The following NSRP1 variants were observed in gnomAD, a reference collection of about 807,000 sequenced individuals.
The protein encoded by NSRP1 is nuclear speckle splicing regulatory protein 1.
NSRP1 carries 24 observed loss-of-function variants against 54.7 expected under a neutral mutation model. The ratio of observed to expected loss-of-function variants is 0.44; its 90% CI spans 0.32 to 0.62. The LOEUF is 0.62. Among genes scored for constraint, NSRP1 ranks in the 20% least tolerant of loss-of-function variants. NSRP1 has a pLI of 0.06. For synonymous variants in NSRP1, 210 were observed against 213.8 expected (o/e 0.98, Z 0.15); for missense variants, 596 against 651.2 (o/e 0.92, Z 0.92).
At chr17:30,118,689 C>T (rs1001472723) in intron 2 of NSRP1, among the ~76,000 whole-genome samples, 1 of 151,572 alleles carries the variant, frequency 6.6e-6, no homozygotes, top group African/African-American at 2.4e-5. Flanking sequence ...GCCAAAACTA[C>T]TTCTGTGAAA....
chr17:30,166,560 G>C (rs1240319938), intron 2 of NSRP1, among the ~76,000 whole-genome samples: 1 of 152,146 alleles, frequency 6.6e-6, no homozygotes, highest in Non-Finnish European at 1.5e-5. Context: ...TTATATGAAT[G>C]CAATGCTTAG....
chr17:30,160,541 G>T (rs1187883527), intron 2 of NSRP1, among the ~76,000 whole-genome samples: 1 of 152,128 alleles, frequency 6.6e-6, no homozygotes, highest in East Asian at 1.9e-4. Context: ...ATGTGTCCAA[G>T]AATTTGTCCA....
At chr17:30,136,656 T>G (rs1032916820) in intron 2 of NSRP1, among the ~76,000 whole-genome samples, 11 of 152,176 alleles carry the variant, frequency 7.2e-5, no homozygotes, top group African/African-American at 2.4e-4. Context: ...GATTAAAATA[T>G]GAAGAATCTG....
At chr17:30,181,043 G>C (rs1162958261) in intron 6 of NSRP1, 27 bp downstream of exon 6, 1 of 1,345,758 alleles carries the variant, frequency 7.4e-7, no homozygotes, top group Non-Finnish European at 1.1e-6. Flanking sequence ...GAAATATTTT[G>C]AAGAAAAATA....
chr17:30,122,942 A>G (rs2071617177), intron 2 of NSRP1, among the ~76,000 whole-genome samples: 1 of 151,824 alleles, frequency 6.6e-6, no homozygotes, highest in Non-Finnish European at 1.5e-5. Context: ...CATGTCATTT[A>G]CCTTTTTTTA....
At chr17:30,165,555 G>C (rs1904700357) in intron 2 of NSRP1, among the ~76,000 whole-genome samples, 1 of 152,198 alleles carries the variant, frequency 6.6e-6, no homozygotes, top group African/African-American at 2.4e-5. Flanking sequence ...TGTTCATTTG[G>C]TGTGTCCTTG....
chr17:30,157,497 T>C (rs1174582266), intron 2 of NSRP1, among the ~76,000 whole-genome samples: 2 of 152,180 alleles, frequency 1.3e-5, no homozygotes, highest in East Asian at 1.9e-4. Flanking sequence ...AATGTACATA[T>C]TATTATTGCT....
At chr17:30,156,398 ATTTT>A (rs903025596) in intron 2 of NSRP1, 2 of 150,410 alleles carry the variant, frequency 1.3e-5, no homozygotes, top group Admixed American at 1.3e-4. Context: ...TATGAAATAC[ATTTT>A]TTTAGTTCAT....
At chr17:30,119,085 A>T (rs1445532005) in intron 2 of NSRP1, among the ~76,000 whole-genome samples, 4 of 144,818 alleles carry the variant, frequency 2.8e-5, no homozygotes, top group Non-Finnish European at 4.6e-5. Context: ...ATGTTTTAAT[A>T]TTTTTTTTTC....
intron 2 of NSRP1, among the ~76,000 whole-genome samples, chr17:30,146,128 T>C (rs2071853162): frequency 6.6e-6 from 1 of 152,170 alleles, no homozygotes; most frequent in African/African-American, 2.4e-5. Flanking sequence ...GGATTACATG[T>C]GTGAGCCACT....
At chr17:30,145,219 C>G (rs529593810) in intron 2 of NSRP1, among the ~76,000 whole-genome samples, 154 of 152,152 alleles carry the variant, frequency 1.0e-3, no homozygotes, top group African/African-American at 3.6e-3. Context: ...CAGTAGAAAC[C>G]CTTGTGAAAG....
chr17:30,138,132 T>C (rs2071766201), intron 2 of NSRP1, among the ~76,000 whole-genome samples: 1 of 152,176 alleles, frequency 6.6e-6, no homozygotes, highest in Non-Finnish European at 1.5e-5. Context: ...TGTGACGGGG[T>C]TATTTCACTT....
rs182241778 is a variant in NSRP1 at position 30,118,332 on chromosome 17, C to T, written c.114+159C>T. ...GAAGGTGTAAAGAAAGCAGCTCCAC[C>T]GATTTTTTAAAGATTTTTTTCCCTC... On this transcript the variant is annotated intron_variant, in intron 2 of 6. Transcript: ENST00000247026. Among the ~76,000 whole-genome samples the T allele has an allele frequency of 2.6e-5, 4 of 152,210 alleles. No homozygotes were observed. The East Asian group carries it at 5.8e-4, about 22-fold the overall frequency.
intron 2 of NSRP1, chr17:30,144,266 A>ATTTTTT (rs1205598841): frequency 7.2e-6 from 1 of 139,654 alleles, no homozygotes; most frequent in Admixed American, 7.4e-5. Flanking sequence ...TATTATTATT[A>ATTTTTT]TTATTTTTTT....
chr17:30,153,508 C>CACTCTGGCTACCTT (rs1344396756), intron 2 of NSRP1, among the ~76,000 whole-genome samples: 2 of 152,144 alleles, frequency 1.3e-5, no homozygotes, highest in Non-Finnish European at 2.9e-5. Flanking sequence ...TACCTTGGCA[C>CACTCTGGCTACCTT]ACTCTGGCTA....
chr17:30,166,214 CTG>C (rs1904726976), intron 2 of NSRP1, among the ~76,000 whole-genome samples: 1 of 152,098 alleles, frequency 6.6e-6, no homozygotes, highest in Non-Finnish European at 1.5e-5. Flanking sequence ...CAGTTGTAGA[CTG>C]TTTCTGAGTC....
chr17:30,152,104 TTTA>T (rs1478484978), intron 2 of NSRP1, among the ~76,000 whole-genome samples: 1 of 151,242 alleles, frequency 6.6e-6, no homozygotes, highest in Non-Finnish European at 1.5e-5. Context: ...GAAGCAACAA[TTTA>T]TTTTGATGAG....
At chr17:30,125,410 G>A (rs958940060) in intron 2 of NSRP1, among the ~76,000 whole-genome samples, 1 of 152,210 alleles carries the variant, frequency 6.6e-6, no homozygotes, top group Non-Finnish European at 1.5e-5. Flanking sequence ...CAATTCAGCA[G>A]CATTTAAGAT....
intron 2 of NSRP1, among the ~76,000 whole-genome samples, chr17:30,119,462 T>G (rs1312490178): frequency 6.6e-6 from 1 of 152,108 alleles, no homozygotes; most frequent in East Asian, 1.9e-4. Flanking sequence ...CCACTTGCCT[T>G]GGCCTCCCAA....
Sources: allele counts gnomAD v4.1 joint callset (sites outside exome capture counted in the v4.1 genomes callset), GRCh38; gene constraint gnomAD v4.1.1; transcripts MANE v1.5; gene names NCBI Gene and HGNC (gene_info 2026-07-23, HGNC 2026-07-21).